The following STARD13 variants were observed in gnomAD, a reference collection of about 807,000 sequenced individuals.
STARD13 encodes the protein StAR related lipid transfer domain containing 13, also known as stAR-related lipid transfer protein 13.
STARD13 carries 62 observed loss-of-function variants against 106.4 expected under a neutral mutation model. The ratio of observed to expected loss-of-function variants is 0.58; its 90% CI spans 0.48 to 0.72. The LOEUF (loss-of-function observed/expected upper bound fraction) is 0.72, where lower values mean the gene tolerates loss of function less well. Among genes scored for constraint, STARD13 ranks in the 30% least tolerant of loss-of-function variants. The pLI, the probability that STARD13 is intolerant of heterozygous loss-of-function variation, is 0.00. For missense variants in STARD13, 1,387 were observed against 1,424.0 expected, an observed-to-expected ratio of 0.97 and a Z score of 0.42; for synonymous variants, 565 against 553.0, an observed-to-expected ratio of 1.02 and a Z score of -0.31.
intron 12 of STARD13, 58 bp downstream of exon 12, chr13:33,109,815 C>T: frequency 6.5e-7 from 1 of 1,545,096 alleles, no homozygotes; most frequent in South Asian, 1.1e-5. Flanking sequence ...GTGCTCACAT[C>T]TACAGTTCGC....
intron 1 of STARD13, among the ~76,000 whole-genome samples, chr13:33,243,260 G>C (rs749029418): frequency 6.6e-5 from 10 of 152,156 alleles, no homozygotes; most frequent in Non-Finnish European, 1.0e-4. Context: ...ATGTTCTAAA[G>C]CTCTAAAGTA....
chr13:33,486,137 G>A, the STARD13 span, among the ~76,000 whole-genome samples: 1 of 152,054 alleles, frequency 6.6e-6, no homozygotes, highest in Non-Finnish European at 1.5e-5. Context: ...TATTTCTTGG[G>A]ATTTGGACCC....
the STARD13 span, among the ~76,000 whole-genome samples, chr13:33,368,528 C>G: frequency 6.6e-6 from 1 of 151,244 alleles, no homozygotes; most frequent in African/African-American, 2.4e-5. Context: ...TAGCAAGAAA[C>G]AGCAGCAGCA....
At position 33,104,374 on chromosome 13, in the gene STARD13, A is replaced by G. The variant is rs1203916319; in HGVS notation, c.*1219T>C. 3 of 152,686 alleles carry G rather than the reference A, an allele frequency of 2.0e-5. No homozygotes were observed. The highest frequency in any genetic ancestry group is 7.2e-5 in the African/African-American group (3 of 41,470). The allele number at this position is 152,686 out of a possible 1,614,324, so 9.5% of individuals were successfully genotyped here. A position where few individuals can be genotyped will look rare whatever the true frequency, so the allele number is the denominator to read the frequency against. On this transcript the variant is annotated 3_prime_UTR_variant, in exon 14 of 14. Coordinates refer to ENST00000336934, the MANE Select transcript of STARD13 (RefSeq NM_178006.4). ...CACAGAAGAATTAATAAACCCGATT[A>G]TACTATCTAAAACTAATCAAAGAAC...
the STARD13 span, among the ~76,000 whole-genome samples, chr13:33,557,875 G>A: frequency 2.0e-5 from 3 of 152,190 alleles, no homozygotes; most frequent in East Asian, 1.9e-4. Flanking sequence ...TAGGGAGAAC[G>A]AGATGTTGAC....
the STARD13 span, among the ~76,000 whole-genome samples, chr13:33,645,683 G>A: frequency 3.3e-5 from 5 of 152,178 alleles, no homozygotes; most frequent in Admixed American, 2.6e-4. Context: ...GTTTAGCCAT[G>A]TGAACAGCAG....
the STARD13 span, among the ~76,000 whole-genome samples, chr13:33,378,662 C>T: frequency 4.6e-5 from 7 of 151,656 alleles, no homozygotes; most frequent in East Asian, 1.9e-4. Context: ...TGGTGGCGGG[C>T]GCCTGTAGTC....
At chr13:33,395,060 C>T in the STARD13 span, among the ~76,000 whole-genome samples, 227 of 152,242 alleles carry the variant, frequency 1.5e-3, no homozygotes, top group Non-Finnish European at 2.7e-3. Flanking sequence ...TGTGGAGTGA[C>T]GTGGCTGGAT....
chr13:33,261,354 G>A (rs1044022940), intron 1 of STARD13, among the ~76,000 whole-genome samples: 1 of 152,182 alleles, frequency 6.6e-6, no homozygotes, highest in African/African-American at 2.4e-5. Flanking sequence ...ATAGTGGGGA[G>A]ATTGAGAACC....
chr13:33,239,186 G>T (rs1594149367), intron 1 of STARD13, among the ~76,000 whole-genome samples: 1 of 152,082 alleles, frequency 6.6e-6, no homozygotes, highest in Non-Finnish European at 1.5e-5. Flanking sequence ...GCTCACACAC[G>T]TTGTAGCATA....
the STARD13 span, among the ~76,000 whole-genome samples, chr13:33,646,809 T>C: frequency 1.3e-5 from 2 of 152,190 alleles, no homozygotes; most frequent in Non-Finnish European, 2.9e-5. Flanking sequence ...TGCAAATTCT[T>C]TTAAAAAGTG....
At chr13:33,339,963 G>A (rs1040211619) in intron 1 of STARD13, among the ~76,000 whole-genome samples, 5 of 151,818 alleles carry the variant, frequency 3.3e-5, no homozygotes, top group Non-Finnish European at 5.9e-5. Flanking sequence ...ACAACACCTT[G>A]TGGCCAGGAA....
At chr13:33,510,760 C>T in the STARD13 span, among the ~76,000 whole-genome samples, 2 of 152,132 alleles carry the variant, frequency 1.3e-5, no homozygotes, top group Non-Finnish European at 2.9e-5. Context: ...CAGCCAACTT[C>T]AAGTTTAGTA....
intron 1 of STARD13, among the ~76,000 whole-genome samples, chr13:33,231,726 T>C (rs1038870800): frequency 2.6e-5 from 4 of 152,172 alleles, no homozygotes; most frequent in Non-Finnish European, 5.9e-5. Flanking sequence ...CAAACTGCAG[T>C]CTCTGTTTCT....
the STARD13 span, among the ~76,000 whole-genome samples, chr13:33,646,824 G>T: frequency 1.3e-5 from 2 of 151,898 alleles, no homozygotes; most frequent in East Asian, 3.9e-4. Flanking sequence ...AAAGTGGAAG[G>T]TGTTATATAA....
At chr13:33,402,733 A>T in the STARD13 span, among the ~76,000 whole-genome samples, 66 of 152,258 alleles carry the variant, frequency 4.3e-4, no homozygotes, top group African/African-American at 1.6e-3. Context: ...AACATGGCAG[A>T]GAAAGAGAGA....
intron 1 of STARD13, among the ~76,000 whole-genome samples, chr13:33,220,709 A>ATAAT (rs147253507): frequency 6.6e-6 from 1 of 152,158 alleles, no homozygotes; most frequent in Non-Finnish European, 1.5e-5. Context: ...AAATAAATAA[A>ATAAT]TAAAATAAAG....
the STARD13 span, among the ~76,000 whole-genome samples, chr13:33,371,433 A>G: frequency 2.0e-5 from 3 of 152,222 alleles, no homozygotes; most frequent in African/African-American, 7.2e-5. Flanking sequence ...TTGTTTTTTC[A>G]TGGTGAAGGT....
the STARD13 span, among the ~76,000 whole-genome samples, chr13:33,360,762 T>A: frequency 1.4e-5 from 1 of 71,920 alleles, no homozygotes; most frequent in Non-Finnish European, 2.8e-5. Flanking sequence ...AGGATTGAAC[T>A]GTGTGGGTCC....
Sources: gnomAD v4.1 joint callset for allele counts (sites outside exome capture counted in the v4.1 genomes callset) on GRCh38, gnomAD v4.1.1 for gene constraint, MANE v1.5 for transcripts, NCBI Gene and HGNC (gene_info 2026-07-23, HGNC 2026-07-21) for gene names.